The following AHCYL1 variants were observed in gnomAD, a reference collection of about 807,000 sequenced individuals.
The protein encoded by AHCYL1 is adenosylhomocysteinase like 1, also known as S-adenosylhomocysteine hydrolase-like protein 1.
Under a neutral mutation model 79.3 loss-of-function variants are expected in AHCYL1, and 20 were observed. The ratio of observed to expected loss-of-function variants is 0.25; its 90% CI spans 0.18 to 0.37. The LOEUF (loss-of-function observed/expected upper bound fraction) is 0.37. Among genes scored for constraint, AHCYL1 ranks in the 10% least tolerant of loss-of-function variants. AHCYL1 has a pLI of 1.00. For synonymous variants in AHCYL1, 223 were observed against 242.2 expected, an observed-to-expected ratio of 0.92 and a Z score of 0.74; for missense variants, 330 against 673.6, an observed-to-expected ratio of 0.49 and a Z score of 5.65.
At chr1:109,997,071 C>CT (rs1402889544) in intron 1 of AHCYL1, among the ~76,000 whole-genome samples, 2 of 152,184 alleles carry the variant, frequency 1.3e-5, no homozygotes, top group Non-Finnish European at 2.9e-5. Flanking sequence ...ATGGCTAAGC[C>CT]TTCTCTAAGC....
rs1400188431 is a variant in AHCYL1 at position 110,014,871 on chromosome 1, T to C, written c.675+14T>C. On this transcript the variant is annotated intron_variant, in intron 6 of 16. Coordinates refer to ENST00000369799, the MANE Select transcript of AHCYL1 (RefSeq NM_006621.7). ...CAGGCCAACATGGTAATAATGCATA[T>C]ACATCCTACACTTTGACAATAGATT... 1.2e-5 allele frequency: 20 copies of C among 1,600,274 alleles called. No homozygotes were observed. The highest frequency in any genetic ancestry group is 1.7e-5 in the Non-Finnish European group (20 of 1,167,420).
At chr1:109,995,898 G>A (rs1650003001) in intron 1 of AHCYL1, among the ~76,000 whole-genome samples, 1 of 152,206 alleles carries the variant, frequency 6.6e-6, no homozygotes. Context: ...TAGCAAGACT[G>A]GCCAACATTG....
At chr1:110,018,257 T>A in intron 11 of AHCYL1, 116 bp from the exon 12 acceptor site, 2 of 997,124 alleles carry the variant, frequency 2.0e-6, no homozygotes, top group Non-Finnish European at 3.0e-6. Context: ...TCTCTCAGAA[T>A]GTCTACATGT....
intron 1 of AHCYL1, among the ~76,000 whole-genome samples, chr1:109,990,217 A>G (rs930199162): frequency 6.6e-6 from 1 of 152,212 alleles, no homozygotes; most frequent in African/African-American, 2.4e-5. Context: ...TCTACCATCT[A>G]ATAGTTGTGG....
chr1:110,016,412 A>G lies in AHCYL1; in HGVS notation c.851A>G (p.Lys284Arg). ...PAMNVNDSVT[K>R]QKFDNLYCCR... ...ATGAACGTCAATGATTCTGTTACCA[A>G]ACAGAAGTTTGATAACTTGTACTGC... Residue 284 changes from lysine to arginine, a missense_variant, in exon 8 of 17, where the codon AAA becomes AGA. Physicochemically the swap from Lys to Arg is conservative, Grantham distance 26 (BLOSUM62 2). This residue lies in a region of AHCYL1 where 6 missense variants were observed against 62.8 expected (regional missense o/e 0.10). Transcript: ENST00000369799. 5 of 1,614,180 alleles carry G rather than the reference A, an allele frequency of 3.1e-6. No individual in the cohort carries two copies. Among genetic ancestry groups the G allele is most frequent in the Non-Finnish European group, 4.2e-6 (5 of 1,180,018 alleles).
intron 2 of AHCYL1, among the ~76,000 whole-genome samples, chr1:110,010,270 G>C (rs189813171): frequency 1.1e-4 from 16 of 152,276 alleles, no homozygotes; most frequent in African/African-American, 3.9e-4. Flanking sequence ...GTCATAGTGG[G>C]GAAGATAATC....
intron 3 of AHCYL1, 81 bp downstream of exon 3, chr1:110,011,438 A>T: frequency 1.3e-6 from 2 of 1,565,632 alleles, no homozygotes; most frequent in Non-Finnish European, 1.7e-6. Context: ...TAAGACTTGA[A>T]AGCTGACTTG....
At chr1:109,989,769 C>G (rs1163609216) in intron 1 of AHCYL1, among the ~76,000 whole-genome samples, 2 of 152,198 alleles carry the variant, frequency 1.3e-5, no homozygotes, top group Non-Finnish European at 2.9e-5. Flanking sequence ...GAATGTCAAC[C>G]CTGATTATAC....
intron 1 of AHCYL1, among the ~76,000 whole-genome samples, chr1:109,987,122 G>A (rs943556415): frequency 2.0e-5 from 3 of 152,066 alleles, no homozygotes; most frequent in African/African-American, 4.8e-5. Context: ...TAGCATTTAC[G>A]TAGTACTTTG....
At chr1:110,013,367 A>C (rs942884357) in intron 5 of AHCYL1, among the ~76,000 whole-genome samples, 1 of 152,246 alleles carries the variant, frequency 6.6e-6, no homozygotes, top group African/African-American at 2.4e-5. Context: ...TCAGTATGGC[A>C]TTGAAAATAT....
chr1:110,000,365 G>A (rs1650242159), intron 1 of AHCYL1, among the ~76,000 whole-genome samples: 1 of 152,190 alleles, frequency 6.6e-6, no homozygotes, highest in Non-Finnish European at 1.5e-5. Context: ...GAAGACAATG[G>A]AAGTGTATTC....
At chr1:110,018,985 G>T in intron 13 of AHCYL1, 66 bp from the exon 14 acceptor site, 1 of 1,499,610 alleles carries the variant, frequency 6.7e-7, no homozygotes, top group Non-Finnish European at 9.3e-7. Flanking sequence ...TCCCGCTTTG[G>T]CTTGACTTGT....
At position 110,023,666 on chromosome 1, in the gene AHCYL1, T is replaced by C. The variant is rs1184018980; in HGVS notation, c.*1986T>C. The C allele has an allele frequency of 6.6e-6, 1 of 152,620 alleles. No individual in the cohort carries two copies. The highest frequency in any genetic ancestry group is 1.5e-5 in the Non-Finnish European group (1 of 68,048). The allele number at this position is 152,620 out of a possible 1,614,324, so 9.5% of individuals were successfully genotyped here. A position where few individuals can be genotyped will look rare whatever the true frequency, so the allele number is the denominator to read the frequency against. ...AAGAACAAGTTCATTTTGTATTGAA[T>C]GATTTTTAATGAATGCAATATTAAT... On this transcript the variant is annotated 3_prime_UTR_variant, in exon 17 of 17. Coordinates refer to ENST00000369799, the MANE Select transcript of AHCYL1 (RefSeq NM_006621.7).
intron 1 of AHCYL1, among the ~76,000 whole-genome samples, chr1:109,994,326 G>A (rs1247989123): frequency 5.3e-5 from 8 of 152,180 alleles, no homozygotes; most frequent in Admixed American, 5.2e-4. Flanking sequence ...GTGATGGCAC[G>A]ATCTCGGCTC....
chr1:110,015,560 G>C (rs759612161), intron 7 of AHCYL1, 29 bp downstream of exon 7: 3 of 1,593,818 alleles, frequency 1.9e-6, no homozygotes, highest in Non-Finnish European at 2.6e-6. Flanking sequence ...GCTGCCCCTT[G>C]TGTCCTTGCC....
At chr1:110,005,945 G>A (rs949572866) in intron 1 of AHCYL1, among the ~76,000 whole-genome samples, 3 of 152,120 alleles carry the variant, frequency 2.0e-5, no homozygotes, top group Non-Finnish European at 2.9e-5. Flanking sequence ...TTATTCGTTT[G>A]GTAGAGCTTT....
At position 110,017,542 on chromosome 1, in the gene AHCYL1, C is replaced by T. The variant is rs1651496409; in HGVS notation, c.1011C>T (p.Val337=). ...CTCTCAAAGCTCTTGGAGCAATTGT[C>T]TACATTACCGAAATCGACCCCATCT... The part of the protein sequence containing the change: ...CAALKALGAI[V]YITEIDPICA... The change falls in exon 10 of 17, where the codon GTC becomes GTT. Residue 337 remains valine, a synonymous_variant. Transcript: ENST00000369799. 6.2e-7 allele frequency: 1 copy of T among 1,613,994 alleles called. No individual in the cohort carries two copies. Among genetic ancestry groups the T allele is most frequent in the South Asian group, 1.1e-5 (1 of 91,086 alleles).
chr1:109,987,862 A>G (rs1649554848), intron 1 of AHCYL1, among the ~76,000 whole-genome samples: 1 of 152,252 alleles, frequency 6.6e-6, no homozygotes, highest in Non-Finnish European at 1.5e-5. Flanking sequence ...TTGTACCTGC[A>G]TCTCCTCATC....
chr1:109,993,713 C>T (rs1046366180), intron 1 of AHCYL1, among the ~76,000 whole-genome samples: 3 of 152,180 alleles, frequency 2.0e-5, no homozygotes, highest in Admixed American at 2.0e-4. Context: ...AGCTTCTTAG[C>T]CCAGTGGCAG....
Sources: allele counts gnomAD v4.1 joint callset (sites outside exome capture counted in the v4.1 genomes callset), GRCh38; gene constraint gnomAD v4.1.1; regional missense constraint gnomAD v4.1.1; transcripts MANE v1.5; gene names NCBI Gene and HGNC (gene_info 2026-07-23, HGNC 2026-07-21).